Variants in ADCK1 observed in about 807,000 individuals in gnomAD.
ADCK1 encodes the protein aarF domain-containing protein kinase 1.
ADCK1 carries 41 observed loss-of-function variants against 52.3 expected under a neutral mutation model. That is an observed-to-expected ratio of 0.78 (90% CI 0.61 to 1.02). The LOEUF is 1.02. Among genes scored for constraint, ADCK1 ranks in the 50% least tolerant of loss-of-function variants. The pLI, the probability that ADCK1 is intolerant of heterozygous loss-of-function variation, is 0.00. For missense variants in ADCK1, 658 were observed against 679.5 expected (o/e 0.97, Z 0.35); for synonymous variants, 250 against 274.6 (o/e 0.91, Z 0.89).
chr14:77,856,668 T>C (rs2082423258), intron 3 of ADCK1, among the ~76,000 whole-genome samples: 1 of 152,216 alleles, frequency 6.6e-6, no homozygotes, highest in Non-Finnish European at 1.5e-5. Context: ...AGCTATTCAC[T>C]GCCTCCCTCC....
chr14:77,911,553 C>G (rs1346740488), intron 7 of ADCK1, among the ~76,000 whole-genome samples: 1 of 152,122 alleles, frequency 6.6e-6, no homozygotes, highest in South Asian at 2.1e-4. Flanking sequence ...AAACATTTTT[C>G]TGTTTTATCG....
chr14:77,873,031 G>A (rs1323087135), intron 4 of ADCK1, among the ~76,000 whole-genome samples: 1 of 152,048 alleles, frequency 6.6e-6, no homozygotes, highest in African/African-American at 2.4e-5. Flanking sequence ...TTAGAGTACA[G>A]GTGGTTTTTG....
chr14:77,857,213 C>T (rs3783972), intron 3 of ADCK1, among the ~76,000 whole-genome samples: 57,503 of 151,548 alleles, frequency 0.38, 11,657 homozygotes, highest in Admixed American at 0.51. Flanking sequence ...TTTGGGAGGC[C>T]GAGGTGGGTG....
intron 4 of ADCK1, among the ~76,000 whole-genome samples, chr14:77,874,980 A>T (rs918130464): frequency 3.9e-5 from 6 of 152,076 alleles, no homozygotes; most frequent in Non-Finnish European, 7.4e-5. Flanking sequence ...GGGTCTGTCC[A>T]GGGACAGGAG....
rs190893320 is a variant in ADCK1 at position 77,829,115 on chromosome 14, G to A, written c.219+6597G>A. ...CTGGAATCAATTACTTCTCCAAGGA[G>A]CCCTGGTTCCTGTTACTGGAGAATG... On this transcript the variant is annotated intron_variant, in intron 3 of 10. Transcript: ENST00000238561. Among the ~76,000 whole-genome samples the A allele has an allele frequency of 7.5e-4, 113 of 151,078 alleles. 1 individual carries two copies. Among genetic ancestry groups the A allele is most frequent in the Admixed American group, 2.8e-3 (42 of 15,160 alleles).
chr14:77,899,129 C>G lies in ADCK1; in HGVS notation c.612C>G (p.Phe204Leu). 6.2e-7 allele frequency: 1 copy of G among 1,613,962 alleles called. No homozygotes were observed. The highest frequency in any genetic ancestry group is 1.3e-5 in the African/African-American group (1 of 74,998). ...TCGTTCTGGCTGTGAAGCAGCTGTT[C>G]CCAGAGTTTGAGTTTATGTGGCTTG... ...EVLVLAVKQL[F>L]PEFEFMWLVD... Residue 204 changes from phenylalanine (F) to leucine (L), a missense_variant, in exon 6 of 11, where the codon TTC becomes TTG. By Grantham distance (22) the Phe-to-Leu change is conservative. Transcript: ENST00000238561.
intron 3 of ADCK1, among the ~76,000 whole-genome samples, chr14:77,858,325 C>T (rs1159817041): frequency 6.6e-6 from 1 of 151,986 alleles, no homozygotes; most frequent in African/African-American, 2.4e-5. Context: ...GCAACCTCCG[C>T]CTCCTGGGTT....
intron 5 of ADCK1, among the ~76,000 whole-genome samples, chr14:77,888,165 G>C (rs1161264763): frequency 6.6e-6 from 1 of 152,108 alleles, no homozygotes; most frequent in Non-Finnish European, 1.5e-5. Flanking sequence ...CACCAAGGGG[G>C]CTGCAGCAAG....
chr14:77,905,760 G>A (rs567784946), intron 6 of ADCK1, among the ~76,000 whole-genome samples: 10 of 152,232 alleles, frequency 6.6e-5, no homozygotes, highest in Admixed American at 6.5e-5. Context: ...GCTGCAGTGC[G>A]CTATGATGAT....
intron 4 of ADCK1, among the ~76,000 whole-genome samples, chr14:77,875,327 G>A (rs184680675): frequency 5.8e-4 from 88 of 152,120 alleles, no homozygotes; most frequent in African/African-American, 2.0e-3. Flanking sequence ...ACTGGCAGTC[G>A]GGGAAGGAAT....
chr14:77,852,649 TTAAA>T (rs1258593104), intron 3 of ADCK1, among the ~76,000 whole-genome samples: 609 of 41,252 alleles, frequency 0.015, 14 homozygotes, highest in African/African-American at 0.038. Context: ...CATTATTTCT[TTAAA>T]TAAATAAATA....
intron 1 of ADCK1, among the ~76,000 whole-genome samples, chr14:77,814,635 C>T (rs1230966065): frequency 3.0e-5 from 4 of 134,344 alleles, no homozygotes; most frequent in Admixed American, 8.7e-5. Flanking sequence ...GAGGTCAAGG[C>T]TGCAGTAAGT....
chr14:77,860,980 C>G (rs2082532575), intron 4 of ADCK1, among the ~76,000 whole-genome samples: 1 of 152,046 alleles, frequency 6.6e-6, no homozygotes, highest in Admixed American at 6.5e-5. Context: ...TGTCCCCAAG[C>G]CAGGGTGGAG....
chr14:77,902,035 T>C (rs912037530), intron 6 of ADCK1, among the ~76,000 whole-genome samples: 3 of 152,124 alleles, frequency 2.0e-5, no homozygotes, highest in Admixed American at 6.5e-5. Context: ...GCTCAGAACA[T>C]TGGATCAGGG....
intron 7 of ADCK1, among the ~76,000 whole-genome samples, chr14:77,920,461 T>C (rs1359419766): frequency 1.3e-5 from 2 of 152,194 alleles, no homozygotes; most frequent in Non-Finnish European, 2.9e-5. Context: ...GTCTACGTGC[T>C]TATTTTTATA....
chr14:77,873,774 C>G (rs1055559048), intron 4 of ADCK1, among the ~76,000 whole-genome samples: 13 of 152,154 alleles, frequency 8.5e-5, no homozygotes, highest in African/African-American at 1.9e-4. Context: ...TGTTTGCTTC[C>G]CCTTCTGCCA....
intron 9 of ADCK1, among the ~76,000 whole-genome samples, chr14:77,927,984 G>A (rs181766023): frequency 6.6e-6 from 1 of 152,326 alleles, no homozygotes; most frequent in East Asian, 1.9e-4. Context: ...AGTGGGGTGA[G>A]ATGAGTGGTG....
At chr14:77,901,130 C>T (rs1334640157) in intron 6 of ADCK1, among the ~76,000 whole-genome samples, 10 of 151,496 alleles carry the variant, frequency 6.6e-5, no homozygotes, top group South Asian at 2.1e-4. Flanking sequence ...CTGCAGTCTC[C>T]GCCTCCTGGG....
chr14:77,910,215 C>G (rs1367441833), intron 7 of ADCK1, among the ~76,000 whole-genome samples: 1 of 152,052 alleles, frequency 6.6e-6, no homozygotes, highest in Non-Finnish European at 1.5e-5. Flanking sequence ...CGTGAGCTGC[C>G]TATTGGACTT....
Sources: allele counts gnomAD v4.1 joint callset (sites outside exome capture counted in the v4.1 genomes callset), GRCh38; gene constraint gnomAD v4.1.1; transcripts MANE v1.5; gene names NCBI Gene and HGNC (gene_info 2026-07-23, HGNC 2026-07-21).